The following LRRC37A2 variants were observed in gnomAD, a reference collection of about 807,000 sequenced individuals.
LRRC37A2 encodes the protein leucine rich repeat containing 37 member A2.
In LRRC37A2, 9 loss-of-function variants were observed where a neutral mutation model predicts 68.8. That is an observed-to-expected ratio of 0.13 (90% CI 0.08 to 0.23). LRRC37A2 has a LOEUF of 0.23. Ranked by LOEUF, LRRC37A2 falls within the 10% of genes least tolerant of loss-of-function variation. LRRC37A2 has a pLI of 1.00. For synonymous variants in LRRC37A2, 63 were observed against 367.6 expected (o/e 0.17, Z 9.48); for missense variants, 168 against 950.4 (o/e 0.18, Z 10.82).
At chr17:46,870,343 T>C in the LRRC37A2 span, among the ~76,000 whole-genome samples, 1 of 152,008 alleles carries the variant, frequency 6.6e-6, no homozygotes, top group Admixed American at 6.6e-5. Context: ...TCAGCTGGAG[T>C]TGACATCCAG....
chr17:47,008,508 G>A, the LRRC37A2 span, among the ~76,000 whole-genome samples: 3 of 151,130 alleles, frequency 2.0e-5, no homozygotes, highest in Non-Finnish European at 4.4e-5. Context: ...GCTCAGGCTG[G>A]AGTGCAGTAG....
At chr17:46,797,177 G>A in the LRRC37A2 span, among the ~76,000 whole-genome samples, 1 of 152,270 alleles carries the variant, frequency 6.6e-6, no homozygotes, top group Admixed American at 6.5e-5. Context: ...TGCCTGTGGC[G>A]ATTCTTAAGT....
the LRRC37A2 span, among the ~76,000 whole-genome samples, chr17:46,992,948 T>C: frequency 5.3e-5 from 8 of 149,774 alleles, no homozygotes; most frequent in Non-Finnish European, 3.0e-5. Context: ...TTTCTAACAA[T>C]GTGTAGCATG....
chr17:47,011,533 C>A, the LRRC37A2 span, among the ~76,000 whole-genome samples: 108 of 139,842 alleles, frequency 7.7e-4, no homozygotes, highest in African/African-American at 2.8e-3. Flanking sequence ...GCCTGGGTGA[C>A]AAAGCTAGAC....
chr17:46,953,127 A>G, the LRRC37A2 span, among the ~76,000 whole-genome samples: 6 of 152,080 alleles, frequency 3.9e-5, no homozygotes, highest in East Asian at 5.8e-4. Context: ...TACATGTGCC[A>G]TGTTGGTGTG....
the LRRC37A2 span, chr17:46,769,637 T>G: frequency 4.9e-6 from 5 of 1,011,442 alleles, no homozygotes; most frequent in African/African-American, 1.6e-5. Context: ...GGCTGTGGGG[T>G]GGGGAGGAGG....
At chr17:46,944,890 G>A in the LRRC37A2 span, among the ~76,000 whole-genome samples, 2 of 152,048 alleles carry the variant, frequency 1.3e-5, no homozygotes, top group Admixed American at 1.3e-4. Context: ...ATAAGCCACC[G>A]CAGCCGGCCT....
the LRRC37A2 span, among the ~76,000 whole-genome samples, chr17:46,724,438 ATAGCCAAGG>A: frequency 6.6e-6 from 1 of 152,236 alleles, no homozygotes; most frequent in African/African-American, 2.4e-5. Context: ...TGATTCCATG[ATAGCCAAGG>A]CAGGGAAAGG....
chr17:46,612,178 A>G, the LRRC37A2 span, among the ~76,000 whole-genome samples: 1 of 94,708 alleles, frequency 1.1e-5, no homozygotes, highest in Non-Finnish European at 2.0e-5. Context: ...CCACAATGAG[A>G]GATAACACTT....
At chr17:46,835,337 G>A in the LRRC37A2 span, among the ~76,000 whole-genome samples, 4 of 152,000 alleles carry the variant, frequency 2.6e-5, no homozygotes, top group African/African-American at 4.8e-5. Flanking sequence ...TCAGCCTCCC[G>A]AGTAGCTGGG....
the LRRC37A2 span, among the ~76,000 whole-genome samples, chr17:46,807,110 A>C: frequency 1.3e-5 from 2 of 152,168 alleles, no homozygotes; most frequent in Non-Finnish European, 2.9e-5. Flanking sequence ...TAGAGTGGAG[A>C]AGATCATGGA....
At chr17:46,422,779 CCTAATA>C in the LRRC37A2 span, among the ~76,000 whole-genome samples, 39 of 112,316 alleles carry the variant, frequency 3.5e-4, 1 homozygote, top group African/African-American at 9.0e-4. Flanking sequence ...TATTTGCAGA[CCTAATA>C]TTAATGTAAA....
chr17:46,931,045 A>G, the LRRC37A2 span: 6 of 956,652 alleles, frequency 6.3e-6, no homozygotes, highest in Admixed American at 8.6e-5. Flanking sequence ...TATCATTGTA[A>G]TTTAAGTTCA....
chr17:46,715,005 T>C, the LRRC37A2 span, among the ~76,000 whole-genome samples: 1 of 152,132 alleles, frequency 6.6e-6, no homozygotes, highest in Non-Finnish European at 1.5e-5. Flanking sequence ...AGAAGAGAAA[T>C]AGATTTAAAA....
the LRRC37A2 span, among the ~76,000 whole-genome samples, chr17:46,987,002 T>C: frequency 6.6e-6 from 1 of 152,028 alleles, no homozygotes; most frequent in South Asian, 2.1e-4. Flanking sequence ...TCCCAGCACT[T>C]TGGGAGGCCG....
chr17:46,769,843 G>A, the LRRC37A2 span: 2 of 1,613,362 alleles, frequency 1.2e-6, no homozygotes, highest in South Asian at 1.1e-5. Flanking sequence ...GCCTGTTCTC[G>A]CGCGCATCCG....
the LRRC37A2 span, chr17:47,028,341 A>G: frequency 1.3e-6 from 2 of 1,501,234 alleles, no homozygotes; most frequent in South Asian, 1.1e-5. Flanking sequence ...CTGGCACGAA[A>G]TGCAGTTTTT....
At chr17:46,491,748 GT>G in the LRRC37A2 span, among the ~76,000 whole-genome samples, 146 of 141,856 alleles carry the variant, frequency 1.0e-3, 1 homozygote, top group East Asian at 0.024. Context: ...TTCTGTTTAA[GT>G]TTTTTTTTTT....
chr17:46,736,798 A>T, the LRRC37A2 span, among the ~76,000 whole-genome samples: 213 of 152,296 alleles, frequency 1.4e-3, no homozygotes, highest in African/African-American at 4.8e-3. Context: ...ATGACTTAAG[A>T]TTTAATTGAA....
Sources: allele counts gnomAD v4.1 joint callset (sites outside exome capture counted in the v4.1 genomes callset), GRCh38; gene constraint gnomAD v4.1.1; transcripts MANE v1.5; gene names NCBI Gene and HGNC (gene_info 2026-07-23, HGNC 2026-07-21).